LHFPL7: variants seen among roughly 807,000 people sequenced by gnomAD.
LHFPL7 encodes LHFPL tetraspan subfamily member 7.
the LHFPL7 span, among the ~76,000 whole-genome samples, chr22:24,940,763 CTCCT>C: frequency 4.2e-5 from 6 of 142,758 alleles, no homozygotes; most frequent in Non-Finnish European, 6.1e-5. Context: ...CCCTCCCTCC[CTCCT>C]TCCTTCCTTC....
chr22:24,944,413 G>A, the LHFPL7 span, among the ~76,000 whole-genome samples: 1 of 152,152 alleles, frequency 6.6e-6, no homozygotes, highest in African/African-American at 2.4e-5. Flanking sequence ...AGGTGATGGA[G>A]GGAGCCACGT....
chr22:24,937,977 C>T, the LHFPL7 span, among the ~76,000 whole-genome samples: 1 of 152,234 alleles, frequency 6.6e-6, no homozygotes, highest in Non-Finnish European at 1.5e-5. Flanking sequence ...CTCCCTCCCC[C>T]TGATTTCTGG....
the LHFPL7 span, among the ~76,000 whole-genome samples, chr22:24,944,980 T>C: frequency 6.6e-6 from 1 of 152,024 alleles, no homozygotes; most frequent in Admixed American, 6.6e-5. Flanking sequence ...CAGCTAATTT[T>C]TGTATTTTTA....
the LHFPL7 span, among the ~76,000 whole-genome samples, chr22:24,943,383 T>C: frequency 6.6e-6 from 1 of 152,182 alleles, no homozygotes; most frequent in Admixed American, 6.5e-5. Context: ...CCGGCCAGGC[T>C]GCAATTGGCT....
At chr22:24,939,659 C>G in the LHFPL7 span, 5 of 653,498 alleles carry the variant, frequency 7.7e-6, no homozygotes, top group Non-Finnish European at 8.4e-6. Context: ...GATCAGACCC[C>G]AGATCATCAG....
At chr22:24,940,065 C>T in the LHFPL7 span, among the ~76,000 whole-genome samples, 1 of 150,444 alleles carries the variant, frequency 6.6e-6, no homozygotes, top group Non-Finnish European at 1.5e-5. Context: ...GTAGCTGGGA[C>T]TACAGGCGCC....
the LHFPL7 span, among the ~76,000 whole-genome samples, chr22:24,939,819 C>T: frequency 6.6e-6 from 1 of 152,152 alleles, no homozygotes; most frequent in East Asian, 1.9e-4. Context: ...TTTGCCCCTC[C>T]ACCTTCTTCA....
chr22:24,940,021 G>A, the LHFPL7 span, among the ~76,000 whole-genome samples: 11 of 144,606 alleles, frequency 7.6e-5, no homozygotes, highest in Non-Finnish European at 1.3e-4. Context: ...TCCGCCTCCC[G>A]GGGTCACGCC....
At chr22:24,939,207 A>G in the LHFPL7 span, 16 of 668,530 alleles carry the variant, frequency 2.4e-5, no homozygotes, top group African/African-American at 1.2e-4. Flanking sequence ...AGTAATGGCA[A>G]ATTCGAAGCC....
At chr22:24,936,226 AT>A in the LHFPL7 span, among the ~76,000 whole-genome samples, 554 of 152,004 alleles carry the variant, frequency 3.6e-3, 2 homozygotes, top group Non-Finnish European at 5.7e-3. Flanking sequence ...TCACTCATCC[AT>A]TCATCTGTCC....
the LHFPL7 span, chr22:24,935,489 C>T: frequency 2.5e-6 from 4 of 1,613,848 alleles, no homozygotes; most frequent in African/African-American, 2.7e-5. Flanking sequence ...CCCAACCCAG[C>T]CGGCACTTCC....
the LHFPL7 span, among the ~76,000 whole-genome samples, chr22:24,942,198 G>A: frequency 5.9e-5 from 9 of 151,786 alleles, no homozygotes; most frequent in East Asian, 1.9e-4. Flanking sequence ...GTTTCACCCC[G>A]TTAGCCAGGA....
At chr22:24,939,658 C>A in the LHFPL7 span, 1 of 654,948 alleles carries the variant, frequency 1.5e-6, no homozygotes. Context: ...TGATCAGACC[C>A]CAGATCATCA....
At chr22:24,944,891 C>A in the LHFPL7 span, among the ~76,000 whole-genome samples, 1 of 152,022 alleles carries the variant, frequency 6.6e-6, no homozygotes, top group Admixed American at 6.6e-5. Context: ...CTCACCCCAA[C>A]CTCTGCCTCT....
the LHFPL7 span, chr22:24,939,414 G>A: frequency 2.1e-5 from 15 of 703,094 alleles, no homozygotes; most frequent in South Asian, 1.8e-4. Context: ...CTGAGGCCAG[G>A]AGCAGTAGGT....
the LHFPL7 span, chr22:24,938,030 C>T: frequency 2.1e-6 from 3 of 1,432,212 alleles, no homozygotes; most frequent in Non-Finnish European, 2.8e-6. Context: ...TAGGGTTTAT[C>T]TCTGAGGTCT....
the LHFPL7 span, among the ~76,000 whole-genome samples, chr22:24,936,962 G>A: frequency 2.1e-5 from 3 of 145,040 alleles, no homozygotes; most frequent in African/African-American, 7.6e-5. Flanking sequence ...CCTAGGACAA[G>A]GATCATGTCT....
At chr22:24,937,814 G>T in the LHFPL7 span, among the ~76,000 whole-genome samples, 5 of 152,212 alleles carry the variant, frequency 3.3e-5, no homozygotes, top group African/African-American at 4.8e-5. Flanking sequence ...TCTCAGCTGG[G>T]CATGCTTGCA....
At chr22:24,935,534 C>CT in the LHFPL7 span, 1 of 1,613,968 alleles carries the variant, frequency 6.2e-7, no homozygotes, top group Non-Finnish European at 8.5e-7. Flanking sequence ...CGCACACTTC[C>CT]TTGATGAATG....
Sources: allele counts gnomAD v4.1 joint callset (sites outside exome capture counted in the v4.1 genomes callset), GRCh38; gene constraint gnomAD v4.1.1; transcripts MANE v1.5; gene names NCBI Gene and HGNC (gene_info 2026-07-23, HGNC 2026-07-21).